Variants in FANCC observed in about 807,000 individuals in gnomAD.
The protein encoded by FANCC is FA complementation group C.
In FANCC, 55 loss-of-function variants were observed where a neutral mutation model predicts 71.3. That is an observed-to-expected ratio of 0.77 (90% confidence interval 0.62 to 0.97). The LOEUF (loss-of-function observed/expected upper bound fraction) is 0.97, where lower values mean the gene tolerates loss of function less well. Among genes scored for constraint, FANCC ranks in the 50% least tolerant of loss-of-function variants. The pLI is 0.00. For missense variants in FANCC, 678 were observed against 670.9 expected (o/e 1.01, Z -0.12); for synonymous variants, 275 against 244.9 (o/e 1.12, Z -1.15).
chr9:95,249,460 A>T, intron 1 of FANCC, 91 bp from the exon 2 acceptor site: 1 of 668,628 alleles, frequency 1.5e-6, no homozygotes, highest in Non-Finnish European at 2.6e-6. Context: ...GGGATTACAA[A>T]GAACTAAAAT....
In FANCC at chr9:95,171,243, C is replaced by T. The variant is rs1825660883; in HGVS notation, c.457-100G>A. On this transcript the variant is annotated intron_variant, in intron 5 of 14. Coordinates refer to ENST00000289081, the MANE Select transcript of FANCC (RefSeq NM_000136.3). ...AGTGATATTTCCGTTGAGATTCCCC[C>T]AACCCCCATCTTCTCATGTTTCACT... 9 of 847,162 alleles carry T rather than the reference C, an allele frequency of 1.1e-5. No individual in the cohort carries two copies. The Admixed American group carries it at 1.5e-4, about 14-fold the overall frequency. 52.5% of individuals were successfully genotyped at this position (847,162 alleles called of 1,614,324 possible). A position where few individuals can be genotyped will look rare whatever the true frequency, so the allele number is the denominator to read the frequency against.
chr9:95,189,613 C>A (rs1016483092), intron 4 of FANCC, among the ~76,000 whole-genome samples: 1 of 152,094 alleles, frequency 6.6e-6, no homozygotes, highest in South Asian at 2.1e-4. Flanking sequence ...GGCATTAAAC[C>A]GTATCTATAA....
intron 1 of FANCC, among the ~76,000 whole-genome samples, chr9:95,309,706 G>A (rs1484402960): frequency 2.6e-5 from 4 of 152,138 alleles, no homozygotes; most frequent in Non-Finnish European, 4.4e-5. Context: ...TATTCATCAA[G>A]ATAGGCTAAG....
chr9:95,183,692 G>A (rs1278172833), intron 4 of FANCC, among the ~76,000 whole-genome samples: 1 of 152,130 alleles, frequency 6.6e-6, no homozygotes, highest in Admixed American at 6.5e-5. Flanking sequence ...CATTGGCTAC[G>A]GTGTTGCTTT....
chr9:95,183,302 C>T (rs988990201), intron 4 of FANCC, among the ~76,000 whole-genome samples: 5 of 152,210 alleles, frequency 3.3e-5, no homozygotes, highest in African/African-American at 9.6e-5. Context: ...TGCAGTGTAA[C>T]GGTGAGCCTG....
intron 6 of FANCC, among the ~76,000 whole-genome samples, chr9:95,152,799 C>G (rs186449224): frequency 3.7e-4 from 56 of 151,904 alleles, no homozygotes; most frequent in Non-Finnish European, 1.2e-4. Flanking sequence ...TCTCCTCCCC[C>G]TTCTGAGTCT....
chr9:95,307,125 T>A (rs1163158608), intron 1 of FANCC, among the ~76,000 whole-genome samples: 4 of 152,206 alleles, frequency 2.6e-5, no homozygotes, highest in Non-Finnish European at 4.4e-5. Flanking sequence ...GCTCAAGTGA[T>A]CTGCCCACCT....
Position 95,099,902 on chromosome 9 carries a change from G to A in FANCC, c.*1805C>T. On this transcript the variant is annotated 3_prime_UTR_variant, in exon 15 of 15. Coordinates refer to ENST00000289081, the MANE Select transcript of FANCC (RefSeq NM_000136.3). Reference sequence around the variant, plus strand: ...AAGGGGCATGGGCAGAGGCCTGGCAGGGGAGGAGGAAGAGGCCAACCCTGT... The same window carrying A: ...AAGGGGCATGGGCAGAGGCCTGGCAAGGGAGGAGGAAGAGGCCAACCCTGT... 1 of 233,316 alleles carries A rather than the reference G, an allele frequency of 4.3e-6. No homozygotes were observed. The highest frequency in any genetic ancestry group is 8.5e-6 in the Non-Finnish European group (1 of 118,128). 14.5% of individuals were successfully genotyped at this position (233,316 alleles called of 1,614,324 possible).
At chr9:95,247,205 G>C (rs929465577) in intron 3 of FANCC, among the ~76,000 whole-genome samples, 1 of 133,294 alleles carries the variant, frequency 7.5e-6, no homozygotes, top group African/African-American at 3.0e-5. Context: ...GCATGGGTGC[G>C]TGCACGCGTG....
At chr9:95,135,120 A>T (rs568090004) in intron 8 of FANCC, among the ~76,000 whole-genome samples, 11 of 152,200 alleles carry the variant, frequency 7.2e-5, no homozygotes, top group Admixed American at 2.0e-4. Context: ...CATGTGATAT[A>T]CGGCATATCA....
intron 7 of FANCC, among the ~76,000 whole-genome samples, chr9:95,147,391 C>T (rs1829709714): frequency 6.6e-6 from 1 of 152,150 alleles, no homozygotes; most frequent in South Asian, 2.1e-4. Context: ...TGGTGCATGC[C>T]TGTAATCCCA....
At chr9:95,166,139 C>T (rs577203642) in intron 6 of FANCC, among the ~76,000 whole-genome samples, 1 of 152,080 alleles carries the variant, frequency 6.6e-6, no homozygotes, top group South Asian at 2.1e-4. Context: ...TCTCTTGTAG[C>T]TAGAATATAG....
Position 95,100,511 on chromosome 9 carries a change from G to A in FANCC, c.*1196C>T, listed in dbSNP as rs2071037275. ...ATCAAAATGGACAAAAGCAAGTCTT[G>A]ACTCACTTGACAAACAGAATAGACA... On this transcript the variant is annotated 3_prime_UTR_variant, in exon 15 of 15. Coordinates refer to ENST00000289081, the MANE Select transcript of FANCC (RefSeq NM_000136.3). 1 of 232,132 alleles carries A rather than the reference G, an allele frequency of 4.3e-6. No homozygotes were observed. The highest frequency in any genetic ancestry group is 2.2e-5 in the African/African-American group (1 of 45,258). The allele number at this position is 232,132 out of a possible 1,614,324, so 14.4% of individuals were successfully genotyped here.
At position 95,114,701 on chromosome 9, in the gene FANCC, C is replaced by T. The variant is rs761336987; in HGVS notation, c.1082G>A (p.Arg361Gln). 1.9e-5 allele frequency: 31 copies of T among 1,613,936 alleles called. No individual in the cohort carries two copies. The highest frequency in any genetic ancestry group is 1.8e-4 in the East Asian group (8 of 44,892). The change falls in exon 12 of 15, where the codon CGG (arginine) becomes CAG (glutamine). Residue 361 changes from arginine to glutamine, a missense_variant. Coordinates refer to ENST00000289081, the MANE Select transcript of FANCC (RefSeq NM_000136.3). Reference sequence around the variant, plus strand: ...CTTCAGTGTCTGGAGCCAGTGTCCCCGAGGGATATCTGCGGGTGGAGAGAG... The same window carrying T: ...CTTCAGTGTCTGGAGCCAGTGTCCCTGAGGGATATCTGCGGGTGGAGAGAG... ...VLLQDPQDIP[R>Q]GHWLQTLKHI...
At chr9:95,253,794 G>A (rs973535433) in intron 1 of FANCC, among the ~76,000 whole-genome samples, 7 of 151,912 alleles carry the variant, frequency 4.6e-5, no homozygotes, top group Non-Finnish European at 7.4e-5. Flanking sequence ...GGACCAGGGC[G>A]GGGGCAGGGA....
At chr9:95,141,263 G>A (rs1828623978) in intron 7 of FANCC, among the ~76,000 whole-genome samples, 1 of 121,540 alleles carries the variant, frequency 8.2e-6, no homozygotes, top group African/African-American at 3.1e-5. Context: ...AGTGAGACAT[G>A]ACTGTACCAC....
intron 6 of FANCC, among the ~76,000 whole-genome samples, chr9:95,164,429 G>A (rs1830944400): frequency 6.6e-6 from 1 of 152,132 alleles, no homozygotes; most frequent in African/African-American, 2.4e-5. Flanking sequence ...GTTAGCTATG[G>A]ATTTTTCAAA....
chr9:95,146,826 G>A (rs1000816640), intron 7 of FANCC, among the ~76,000 whole-genome samples: 1 of 151,976 alleles, frequency 6.6e-6, no homozygotes, highest in African/African-American at 2.4e-5. Flanking sequence ...CAGAGAGGGA[G>A]GGAAGAACTG....
At chr9:95,122,062 G>A (rs1387864633) in intron 10 of FANCC, among the ~76,000 whole-genome samples, 1 of 151,946 alleles carries the variant, frequency 6.6e-6, no homozygotes, top group Non-Finnish European at 1.5e-5. Context: ...GTTTCACCGT[G>A]TTAGCCAGGA....
Sources: gnomAD v4.1 joint callset for allele counts (sites outside exome capture counted in the v4.1 genomes callset) on GRCh38, gnomAD v4.1.1 for gene constraint, MANE v1.5 for transcripts, NCBI Gene and HGNC (gene_info 2026-07-23, HGNC 2026-07-21) for gene names.